Variants in ARHGAP15 observed in about 807,000 individuals in gnomAD.
ARHGAP15 encodes the protein rho GTPase-activating protein 15.
In ARHGAP15, 51 loss-of-function variants were observed where a neutral mutation model predicts 63.7. The observed-to-expected ratio is 0.80, with a 90% CI of 0.64 to 1.01. The LOEUF is 1.01. Ranked by LOEUF, ARHGAP15 falls within the 50% of genes least tolerant of loss-of-function variation. ARHGAP15 has a pLI of 0.00. For missense variants in ARHGAP15, 560 were observed against 564.6 expected (o/e 0.99, Z 0.08); for synonymous variants, 191 against 193.8 (o/e 0.99, Z 0.12).
At chr2:143,461,204 C>T (rs1039857812) in intron 8 of ARHGAP15, among the ~76,000 whole-genome samples, 2 of 140,016 alleles carry the variant, frequency 1.4e-5, no homozygotes, top group African/African-American at 5.3e-5. Context: ...GCAGGAGAAT[C>T]GCTTGAATCC....
chr2:143,387,745 G>A (rs1687349338), intron 6 of ARHGAP15, among the ~76,000 whole-genome samples: 1 of 151,098 alleles, frequency 6.6e-6, no homozygotes, highest in Admixed American at 6.6e-5. Flanking sequence ...ATTACAAAAA[G>A]TGGGAAAAAA....
At chr2:143,256,170 A>G (rs576159789) in intron 6 of ARHGAP15, among the ~76,000 whole-genome samples, 2 of 152,294 alleles carry the variant, frequency 1.3e-5, no homozygotes, top group African/African-American at 4.8e-5. Flanking sequence ...GAGAGCAACT[A>G]CAAAGAAGTG....
intron 8 of ARHGAP15, among the ~76,000 whole-genome samples, chr2:143,487,104 G>C (rs1380247127): frequency 6.6e-6 from 1 of 152,138 alleles, no homozygotes; most frequent in Non-Finnish European, 1.5e-5. Flanking sequence ...TCCATGTAAA[G>C]ATTACGTTAA....
chr2:143,335,129 G>T (rs538494682), intron 6 of ARHGAP15, among the ~76,000 whole-genome samples: 1 of 152,260 alleles, frequency 6.6e-6, no homozygotes, highest in South Asian at 2.1e-4. Context: ...GGAATTCAGT[G>T]TTCCCAAACA....
chr2:143,573,207 G>A (rs1696531711), intron 11 of ARHGAP15, among the ~76,000 whole-genome samples: 1 of 152,128 alleles, frequency 6.6e-6, no homozygotes, highest in Non-Finnish European at 1.5e-5. Context: ...TTTCTTATCT[G>A]CTAAAAGCAA....
intron 13 of ARHGAP15, among the ~76,000 whole-genome samples, chr2:143,752,978 C>CA (rs1434448546): frequency 4.6e-5 from 7 of 152,104 alleles, no homozygotes; most frequent in Admixed American, 3.9e-4. Flanking sequence ...CTCTACAAAA[C>CA]AAAAAAATTT....
At chr2:143,465,125 C>T (rs1469734790) in intron 8 of ARHGAP15, among the ~76,000 whole-genome samples, 1 of 152,116 alleles carries the variant, frequency 6.6e-6, no homozygotes, top group Non-Finnish European at 1.5e-5. Context: ...CCTTAGGTCT[C>T]CTTAACCTCC....
At chr2:143,490,892 C>T (rs570206446) in intron 9 of ARHGAP15, among the ~76,000 whole-genome samples, 100 of 152,060 alleles carry the variant, frequency 6.6e-4, no homozygotes, top group African/African-American at 1.9e-3. Flanking sequence ...CCTCCCAAAG[C>T]GCTGGAATTA....
chr2:143,745,898 C>T (rs1200916299), intron 13 of ARHGAP15, among the ~76,000 whole-genome samples: 1 of 152,252 alleles, frequency 6.6e-6, no homozygotes, highest in Non-Finnish European at 1.5e-5. Context: ...TAGTAAGAAG[C>T]GAAGCCAGAA....
At chr2:143,591,376 A>C (rs1397064284) in intron 11 of ARHGAP15, among the ~76,000 whole-genome samples, 1 of 152,154 alleles carries the variant, frequency 6.6e-6, no homozygotes, top group Admixed American at 6.6e-5. Context: ...TTTGCTTAAA[A>C]ATGTGGATCC....
chr2:143,262,535 ATTTTTTTTTTTTT>A (rs67267617), intron 6 of ARHGAP15, among the ~76,000 whole-genome samples: 2 of 90,924 alleles, frequency 2.2e-5, no homozygotes, highest in Admixed American at 1.2e-4. Flanking sequence ...TGAACCTTTG[ATTTTTTTTTTTTT>A]TTTTTTTTTT....
chr2:143,539,253 A>T (rs1222105687), intron 10 of ARHGAP15, among the ~76,000 whole-genome samples: 31 of 152,130 alleles, frequency 2.0e-4, no homozygotes, highest in Non-Finnish European at 1.0e-4. Context: ...TATTGCGTCT[A>T]TTTGATTCTT....
chr2:143,186,122 G>T (rs1217151811), intron 2 of ARHGAP15, among the ~76,000 whole-genome samples: 5 of 152,066 alleles, frequency 3.3e-5, no homozygotes, highest in Admixed American at 3.3e-4. Context: ...TTTCATTGTG[G>T]CTAGATGAGG....
intron 11 of ARHGAP15, among the ~76,000 whole-genome samples, chr2:143,592,127 C>T (rs561416815): frequency 7.2e-5 from 11 of 152,132 alleles, no homozygotes; most frequent in South Asian, 4.2e-4. Context: ...TTCTGCCAAT[C>T]CTAATATATC....
intron 6 of ARHGAP15, among the ~76,000 whole-genome samples, chr2:143,298,821 A>G (rs1682764936): frequency 6.6e-6 from 1 of 151,144 alleles, no homozygotes; most frequent in South Asian, 2.1e-4. Context: ...AGTAATTCAA[A>G]TAATAAGAGC....
intron 9 of ARHGAP15, among the ~76,000 whole-genome samples, chr2:143,490,453 G>A (rs1221362586): frequency 1.3e-5 from 2 of 152,158 alleles, no homozygotes; most frequent in East Asian, 3.9e-4. Flanking sequence ...TCAGAGTCAC[G>A]TCCACAAAGC....
At chr2:143,423,539 G>GT (rs1358379190) in intron 6 of ARHGAP15, among the ~76,000 whole-genome samples, 1 of 152,116 alleles carries the variant, frequency 6.6e-6, no homozygotes, top group African/African-American at 2.4e-5. Context: ...CACTGGATGT[G>GT]TACAGTAGTG....
At chr2:143,147,224 T>G (rs1689627988) in intron 1 of ARHGAP15, among the ~76,000 whole-genome samples, 1 of 152,052 alleles carries the variant, frequency 6.6e-6, no homozygotes, top group Non-Finnish European at 1.5e-5. Flanking sequence ...AGACTCCATT[T>G]GTTTCCCCAG....
intron 10 of ARHGAP15, among the ~76,000 whole-genome samples, chr2:143,537,219 GA>G (rs1559035786): frequency 4.0e-5 from 6 of 151,678 alleles, no homozygotes; most frequent in Middle Eastern, 3.2e-3. Flanking sequence ...ACTTTTTGAC[GA>G]GGTTGTTTGT....
Sources: allele counts gnomAD v4.1 joint callset (sites outside exome capture counted in the v4.1 genomes callset), GRCh38; gene constraint gnomAD v4.1.1; transcripts MANE v1.5; gene names NCBI Gene and HGNC (gene_info 2026-07-23, HGNC 2026-07-21).